PLCB4: variants seen among roughly 807,000 people sequenced by gnomAD.
PLCB4 encodes the protein phospholipase C beta 4.
PLCB4 carries 77 observed loss-of-function variants against 178.8 expected under a neutral mutation model. The ratio of observed to expected loss-of-function variants is 0.43; its 90% CI spans 0.36 to 0.52. The LOEUF (loss-of-function observed/expected upper bound fraction) is 0.52, where lower values mean the gene tolerates loss of function less well. Among genes scored for constraint, PLCB4 ranks in the 20% least tolerant of loss-of-function variants. The pLI is 0.00. For synonymous variants in PLCB4, 496 were observed against 490.8 expected (o/e 1.01, Z -0.14); for missense variants, 1,024 against 1,453.4 (o/e 0.70, Z 4.80).
In PLCB4 at chr20:9,468,640, T is replaced by A; in HGVS notation, c.3318T>A (p.Asp1106Glu). ...SMENSKAISQDKSIKNKAERE... is the reference protein window; with the variant it reads ...SMENSKAISQEKSIKNKAERE... ...AAAATAGCAAAGCCATCAGCCAAGA[T>A]AAATCTATCAAGAATAAAGCAGAAC... is the stretch of plus-strand genomic sequence containing the variant. Residue 1106 changes from aspartate (D) to glutamate (E), a missense_variant, in exon 36 of 40, where the codon GAT becomes GAA. Around this residue, in one of 7 missense-constraint regions of PLCB4, gnomAD observed 264 missense variants for 283.2 expected, o/e 0.93. Transcript: ENST00000378473. 6.2e-7 allele frequency: 1 copy of A among 1,609,418 alleles called. No homozygotes were observed. The highest frequency in any genetic ancestry group is 8.5e-7 in the Non-Finnish European group (1 of 1,175,856).
Position 9,389,770 on chromosome 20 carries a change from T to C in PLCB4, c.1159-109T>C, listed in dbSNP as rs2037985606. On this transcript the variant is annotated intron_variant, in intron 15 of 39. Coordinates refer to ENST00000378473, the MANE Select transcript of PLCB4 (RefSeq NM_001377142.1). The stretch of plus-strand genomic sequence containing the variant: ...GGTAGATGGGGGCTCCAGGTCTGAA[T>C]TGCTGGAATTGACTTTCTGAAAGAC... 9.5e-6 allele frequency: 6 copies of C among 628,784 alleles called. No individual in the cohort carries two copies. In the East Asian group the frequency reaches 1.6e-4, roughly 17 times the overall value. The allele number at this position is 628,784 out of a possible 1,614,324, so 39.0% of individuals were successfully genotyped here. A position where few individuals can be genotyped will look rare whatever the true frequency, so the allele number is the denominator to read the frequency against.
intron 2 of PLCB4, among the ~76,000 whole-genome samples, chr20:9,137,470 A>G (rs1293522099): frequency 6.6e-6 from 1 of 152,094 alleles, no homozygotes; most frequent in Non-Finnish European, 1.5e-5. Flanking sequence ...GTAATTGGTA[A>G]TCTGTTTTTC....
rs975565512 is a variant in PLCB4, at chr20:9,333,672, C to T, written c.85-3454C>T. Among the ~76,000 whole-genome samples the T allele has an allele frequency of 5.9e-5, 9 of 152,100 alleles. No individual in the cohort carries two copies. The South Asian group carries it at 6.2e-4, about 11-fold the overall frequency. ...GAATCAATCTGGCTCCTATGGGCAG[C>T]AGAAAAAGCAGAAGTGAGAAGATCA... On this transcript the variant is annotated intron_variant, in intron 4 of 39. Transcript: ENST00000378473.
chr20:9,339,035 A>G lies in PLCB4; in HGVS notation c.367A>G (p.Lys123Glu). ...YMVAENPEVTKQWVEGLRSII... is the reference protein window; with the variant it reads ...YMVAENPEVTEQWVEGLRSII... Reference sequence around the variant, plus strand: ...GGTGGCTGAAAATCCAGAAGTAACTAAGGTAGCTTCAGTTAAATGGCCTCC... The same window carrying G: ...GGTGGCTGAAAATCCAGAAGTAACTGAGGTAGCTTCAGTTAAATGGCCTCC... Residue 123 changes from lysine (K) to glutamate (E), a missense_variant and splice_region_variant, in exon 7 of 40, where the codon AAG becomes GAG. By Grantham distance (56) the Lys-to-Glu change is moderately conservative. Around this residue, in one of 7 missense-constraint regions of PLCB4, gnomAD observed 225 missense variants for 291.0 expected, o/e 0.77. Coordinates refer to ENST00000378473, the MANE Select transcript of PLCB4 (RefSeq NM_001377142.1). The G allele has an allele frequency of 6.2e-7, 1 of 1,611,452 alleles. No individual in the cohort carries two copies. Among genetic ancestry groups the G allele is most frequent in the African/African-American group, 1.3e-5 (1 of 74,928 alleles).
chr20:9,455,081 C>G (rs1028348031), intron 33 of PLCB4, among the ~76,000 whole-genome samples: 1 of 152,132 alleles, frequency 6.6e-6, no homozygotes, highest in Non-Finnish European at 1.5e-5. Context: ...ACCACATCAG[C>G]TTTGGCCTAT....
At chr20:9,168,724 T>C (rs1247118953) in intron 2 of PLCB4, among the ~76,000 whole-genome samples, 1 of 152,194 alleles carries the variant, frequency 6.6e-6, no homozygotes, top group South Asian at 2.1e-4. Context: ...GCAGTCAGTT[T>C]GCGAAGCTCA....
At chr20:9,477,860 A>G (rs1205379941) in intron 39 of PLCB4, among the ~76,000 whole-genome samples, 2 of 152,154 alleles carry the variant, frequency 1.3e-5, no homozygotes, top group Non-Finnish European at 2.9e-5. Flanking sequence ...TGCTTCTCAT[A>G]TATCTACAGA....
In PLCB4 at chr20:9,135,621, A is replaced by G. The variant is rs1041284566; in HGVS notation, c.-79+39279A>G. Among the ~76,000 whole-genome samples the G allele has an allele frequency of 7.2e-5, 11 of 152,202 alleles. 1 individual carries two copies. The highest frequency in any genetic ancestry group is 4.4e-5 in the Non-Finnish European group (3 of 68,002). On this transcript the variant is annotated intron_variant, in intron 2 of 39. Transcript: ENST00000378473. ...CTATAATGGGTTAAGAGGGTTTCCA[A>G]TAGATGTTTATGCAAGGTTTGTGAG...
At chr20:9,369,821 C>T (rs982823920) in intron 9 of PLCB4, among the ~76,000 whole-genome samples, 11 of 152,138 alleles carry the variant, frequency 7.2e-5, no homozygotes, top group South Asian at 4.1e-4. Context: ...GCACGGATGG[C>T]GGAAAGTACA....
chr20:9,293,237 AG>A (rs1332590198), intron 3 of PLCB4, among the ~76,000 whole-genome samples: 1 of 150,656 alleles, frequency 6.6e-6, no homozygotes, highest in Non-Finnish European at 1.5e-5. Flanking sequence ...GAAGGAAGGA[AG>A]GGAAGAAAGA....
rs1159989339 is a variant in PLCB4, at chr20:9,294,878, G to C, written c.-15-12922G>C. Among the ~76,000 whole-genome samples, 6 of 152,166 alleles carry C rather than the reference G, an allele frequency of 3.9e-5. No homozygotes were observed. In the East Asian group the frequency reaches 1.2e-3, roughly 29 times the overall value. On this transcript the variant is annotated intron_variant, in intron 3 of 39. Transcript: ENST00000378473. Reference sequence around the variant, plus strand: ...ACCAATAATCTAAGGCAAATCCAGGGACCTAAAGATTCTCTAGTCTTTCCC... The same window carrying C: ...ACCAATAATCTAAGGCAAATCCAGGCACCTAAAGATTCTCTAGTCTTTCCC...
intron 7 of PLCB4, among the ~76,000 whole-genome samples, chr20:9,361,518 G>T (rs2035328699): frequency 6.6e-6 from 1 of 152,100 alleles, no homozygotes; most frequent in African/African-American, 2.4e-5. Flanking sequence ...TGGATATGGA[G>T]TTTCAGTTTT....
At chr20:9,467,608 T>C (rs965058155) in intron 35 of PLCB4, among the ~76,000 whole-genome samples, 6 of 152,168 alleles carry the variant, frequency 3.9e-5, no homozygotes, top group African/African-American at 1.4e-4. Flanking sequence ...GTCATTGGTG[T>C]TTGTTGAATG....
intron 2 of PLCB4, among the ~76,000 whole-genome samples, chr20:9,206,052 G>T (rs2093609930): frequency 6.6e-6 from 1 of 152,098 alleles, no homozygotes. Context: ...GGCTTTCATT[G>T]TGTTTCTATT....
At chr20:9,319,304 A>G (rs189287293) in intron 4 of PLCB4, among the ~76,000 whole-genome samples, 1 of 152,294 alleles carries the variant, frequency 6.6e-6, no homozygotes, top group East Asian at 1.9e-4. Flanking sequence ...GTGCAATTTC[A>G]TGCCACTGAA....
intron 1 of PLCB4, among the ~76,000 whole-genome samples, chr20:9,083,784 A>T (rs1333111971): frequency 6.6e-6 from 1 of 152,356 alleles, no homozygotes; most frequent in South Asian, 2.1e-4. Context: ...GAAAGGCCAT[A>T]TGAGGACACG....
intron 23 of PLCB4, 123 bp from the exon 24 acceptor site, chr20:9,408,934 A>T: frequency 1.2e-6 from 1 of 867,178 alleles, no homozygotes; most frequent in South Asian, 1.6e-5. Context: ...TAAATGTGAA[A>T]TCTGCTCTGT....
intron 3 of PLCB4, among the ~76,000 whole-genome samples, chr20:9,231,772 A>G (rs2093935845): frequency 2.0e-5 from 3 of 152,182 alleles, no homozygotes; most frequent in East Asian, 3.9e-4. Flanking sequence ...TATACTAACC[A>G]TATGACTCCA....
At chr20:9,156,653 C>A (rs1159931029) in intron 2 of PLCB4, among the ~76,000 whole-genome samples, 1 of 152,088 alleles carries the variant, frequency 6.6e-6, no homozygotes. Flanking sequence ...GTTGCTGTGG[C>A]AATTTACATA....
Sources: allele counts gnomAD v4.1 joint callset (sites outside exome capture counted in the v4.1 genomes callset), GRCh38; gene constraint gnomAD v4.1.1; regional missense constraint gnomAD v4.1.1; transcripts MANE v1.5; gene names NCBI Gene and HGNC (gene_info 2026-07-23, HGNC 2026-07-21).